Variants in RPRD2 observed in about 807,000 individuals in gnomAD.
The protein encoded by RPRD2 is regulation of nuclear pre-mRNA domain containing 2.
RPRD2 carries 12 observed loss-of-function variants against 104.4 expected under a neutral mutation model. The observed-to-expected ratio is 0.11, with a 90% confidence interval of 0.07 to 0.19. The LOEUF (loss-of-function observed/expected upper bound fraction) is 0.19. Among genes scored for constraint, RPRD2 ranks in the 10% least tolerant of loss-of-function variants. The pLI is 1.00. For missense variants in RPRD2, 1,543 were observed against 1,790.1 expected (o/e 0.86, Z 2.49); for synonymous variants, 714 against 684.9 (o/e 1.04, Z -0.66).
chr1:150,413,280 A>G (rs1314412754), intron 1 of RPRD2, among the ~76,000 whole-genome samples: 1 of 152,152 alleles, frequency 6.6e-6, no homozygotes, highest in Non-Finnish European at 1.5e-5. Context: ...AAGAGTAGTA[A>G]CAGATAGAAA....
intron 3 of RPRD2, chr1:150,441,593 A>G: frequency 3.5e-6 from 1 of 285,192 alleles, no homozygotes. Flanking sequence ...GGCATCTTCT[A>G]AGAAGCTGTT....
At chr1:150,378,269 G>A (rs1294994249) in intron 1 of RPRD2, among the ~76,000 whole-genome samples, 1 of 152,088 alleles carries the variant, frequency 6.6e-6, no homozygotes, top group Non-Finnish European at 1.5e-5. Flanking sequence ...TGATGTATAT[G>A]TAAATTACAC....
intron 5 of RPRD2, 110 bp from the exon 6 acceptor site, chr1:150,444,141 T>G: frequency 1.8e-6 from 2 of 1,097,530 alleles, no homozygotes; most frequent in Non-Finnish European, 2.6e-6. Flanking sequence ...TTGTTAAGCT[T>G]TAGGGTGTTT....
At chr1:150,424,293 T>G (rs1664962136) in intron 2 of RPRD2, among the ~76,000 whole-genome samples, 2 of 151,946 alleles carry the variant, frequency 1.3e-5, no homozygotes, top group South Asian at 4.1e-4. Context: ...TTCTATTTTT[T>G]TTTTCTTTTT....
intron 1 of RPRD2, among the ~76,000 whole-genome samples, chr1:150,405,435 G>A (rs1029697567): frequency 2.6e-5 from 4 of 151,834 alleles, no homozygotes; most frequent in Non-Finnish European, 4.4e-5. Flanking sequence ...GCCTAGTACA[G>A]AAATATATAT....
At chr1:150,425,237 A>G (rs917149284) in intron 2 of RPRD2, among the ~76,000 whole-genome samples, 9 of 152,234 alleles carry the variant, frequency 5.9e-5, no homozygotes, top group Non-Finnish European at 8.8e-5. Context: ...AGCTGCTGCT[A>G]TGATGAGGAA....
intron 8 of RPRD2, among the ~76,000 whole-genome samples, chr1:150,459,638 G>A (rs1395742919): frequency 6.6e-6 from 1 of 151,208 alleles, no homozygotes; most frequent in Non-Finnish European, 1.5e-5. Context: ...TGTTGCCCAG[G>A]CTGGAATGCA....
chr1:150,377,340 C>T (rs1572350267), intron 1 of RPRD2, among the ~76,000 whole-genome samples: 1 of 152,244 alleles, frequency 6.6e-6, no homozygotes, highest in East Asian at 1.9e-4. Flanking sequence ...GTGGCTCACG[C>T]CTGTAATCCC....
intron 9 of RPRD2, among the ~76,000 whole-genome samples, chr1:150,462,471 A>G (rs377252976): frequency 6.6e-6 from 1 of 151,788 alleles, no homozygotes; most frequent in East Asian, 1.9e-4. Flanking sequence ...ACAAAAAAAA[A>G]ACCTGTAAAT....
chr1:150,443,877 G>A (rs1447233436), intron 5 of RPRD2, among the ~76,000 whole-genome samples: 4 of 151,928 alleles, frequency 2.6e-5, no homozygotes, highest in African/African-American at 9.7e-5. Flanking sequence ...AATTAGCTGG[G>A]CGTGGTGGCG....
chr1:150,396,446 G>A (rs1218230676), intron 1 of RPRD2, among the ~76,000 whole-genome samples: 1 of 151,834 alleles, frequency 6.6e-6, no homozygotes, highest in Non-Finnish European at 1.5e-5. Flanking sequence ...TGTCTAGAAG[G>A]GTTTTTCCAT....
chr1:150,441,969 A>T lies in RPRD2; in HGVS notation c.514+11A>T. 2 of 1,591,222 alleles carry T rather than the reference A, an allele frequency of 1.3e-6. No homozygotes were observed. Among genetic ancestry groups the T allele is most frequent in the Non-Finnish European group, 1.7e-6 (2 of 1,162,402 alleles). ...GGAAGAAATCACAAAGTAAGGAACA[A>T]AATCTCAACTAATATAAAATTACCT... On this transcript the variant is annotated intron_variant, in intron 4 of 10. Coordinates refer to ENST00000369068, the MANE Select transcript of RPRD2 (RefSeq NM_015203.5).
chr1:150,400,512 G>C (rs1553885110), intron 1 of RPRD2, among the ~76,000 whole-genome samples: 1 of 152,094 alleles, frequency 6.6e-6, no homozygotes, highest in African/African-American at 2.4e-5. Flanking sequence ...CTACATCCCT[G>C]GCATGCGCAG....
At chr1:150,439,885 G>T (rs1192851957) in intron 2 of RPRD2, among the ~76,000 whole-genome samples, 1 of 151,746 alleles carries the variant, frequency 6.6e-6, no homozygotes, top group African/African-American at 2.4e-5. Flanking sequence ...TATTTCTTCT[G>T]CATTTCACGT....
At chr1:150,439,756 G>T (rs1438503700) in intron 2 of RPRD2, among the ~76,000 whole-genome samples, 1 of 151,558 alleles carries the variant, frequency 6.6e-6, no homozygotes, top group African/African-American at 2.4e-5. Flanking sequence ...TGGCAGATCT[G>T]CTAGAATAAA....
chr1:150,404,360 C>T (rs782325283), intron 1 of RPRD2, among the ~76,000 whole-genome samples: 34 of 152,164 alleles, frequency 2.2e-4, no homozygotes, highest in Non-Finnish European at 4.1e-4. Context: ...GATCCTCCCA[C>T]CTCAGCCTCC....
intron 4 of RPRD2, 35 bp downstream of exon 4, chr1:150,441,993 C>T (rs1310382429): frequency 2.0e-6 from 3 of 1,489,170 alleles, no homozygotes; most frequent in African/African-American, 2.8e-5. Context: ...ATAAAATTAC[C>T]TCCTCTTTTT....
chr1:150,416,770 G>A (rs868912420), intron 1 of RPRD2, among the ~76,000 whole-genome samples: 53 of 151,262 alleles, frequency 3.5e-4, no homozygotes, highest in African/African-American at 1.2e-3. Flanking sequence ...TACTTGGGAG[G>A]CTGAGACAGG....
At chr1:150,455,671 T>C (rs1434955911) in intron 7 of RPRD2, among the ~76,000 whole-genome samples, 1 of 151,884 alleles carries the variant, frequency 6.6e-6, no homozygotes, top group African/African-American at 2.4e-5. Flanking sequence ...GTATGGACTT[T>C]TGTTAATAAT....
Sources: gnomAD v4.1 joint callset for allele counts (sites outside exome capture counted in the v4.1 genomes callset) on GRCh38, gnomAD v4.1.1 for gene constraint, MANE v1.5 for transcripts, NCBI Gene and HGNC (gene_info 2026-07-23, HGNC 2026-07-21) for gene names.